LPP: variants seen among roughly 807,000 people sequenced by gnomAD.
LPP encodes LIM domain containing preferred translocation partner in lipoma.
Under a neutral mutation model 60.4 loss-of-function variants are expected in LPP, and 38 were observed. The observed-to-expected ratio is 0.63, with a 90% CI of 0.49 to 0.83. The LOEUF is 0.83. Ranked by LOEUF, LPP falls within the 40% of genes least tolerant of loss-of-function variation. The pLI is 0.00. For missense variants in LPP, 902 were observed against 783.6 expected (o/e 1.15, Z -1.80); for synonymous variants, 328 against 290.8 (o/e 1.13, Z -1.30).
chr3:188,522,261 A>T (rs1819074758), intron 5 of LPP, among the ~76,000 whole-genome samples: 1 of 152,222 alleles, frequency 6.6e-6, no homozygotes, highest in African/African-American at 2.4e-5. Flanking sequence ...GAGTTGAAGA[A>T]AATCTATCAA....
intron 2 of LPP, among the ~76,000 whole-genome samples, chr3:188,318,870 T>A (rs967662822): frequency 2.7e-5 from 4 of 147,752 alleles, no homozygotes; most frequent in African/African-American, 1.0e-4. Context: ...GCCATTCTCC[T>A]GCCTCAGCCT....
At chr3:188,445,763 C>A (rs1795087924) in intron 4 of LPP, among the ~76,000 whole-genome samples, 1 of 152,052 alleles carries the variant, frequency 6.6e-6, no homozygotes, top group South Asian at 2.1e-4. Context: ...TATTTGCTCT[C>A]CTGATAGATT....
chr3:188,724,018 A>G (rs1006015342), intron 8 of LPP, among the ~76,000 whole-genome samples: 2 of 152,166 alleles, frequency 1.3e-5, no homozygotes, highest in Non-Finnish European at 2.9e-5. Context: ...TTTGCTTGCA[A>G]TAGAGGTTCT....
At chr3:188,766,028 G>A (rs556305853) in intron 9 of LPP, among the ~76,000 whole-genome samples, 83 of 151,326 alleles carry the variant, frequency 5.5e-4, no homozygotes, top group African/African-American at 1.8e-3. Context: ...CCACCACCAC[G>A]CCCGGCTAAT....
chr3:188,843,944 T>G (rs1222477803), intron 9 of LPP, among the ~76,000 whole-genome samples: 1 of 152,162 alleles, frequency 6.6e-6, no homozygotes, highest in Non-Finnish European at 1.5e-5. Context: ...TTTGCTTTTC[T>G]AGAATTGAAG....
At chr3:188,627,376 A>G (rs1011444235) in intron 7 of LPP, among the ~76,000 whole-genome samples, 1 of 152,124 alleles carries the variant, frequency 6.6e-6, no homozygotes, top group African/African-American at 2.4e-5. Context: ...GCAAGGCCCA[A>G]CTCTATGCTG....
chr3:188,201,648 A>G (rs1731122961), intron 1 of LPP, among the ~76,000 whole-genome samples: 1 of 152,140 alleles, frequency 6.6e-6, no homozygotes, highest in African/African-American at 2.4e-5. Context: ...TGGAAGTTGC[A>G]GTGAGGTGAG....
chr3:188,384,481 C>G (rs531173970), intron 3 of LPP, among the ~76,000 whole-genome samples: 2 of 152,116 alleles, frequency 1.3e-5, no homozygotes, highest in South Asian at 2.1e-4. Flanking sequence ...CTTCAGTTGT[C>G]TAGGTATTCA....
At chr3:188,354,821 G>GCACACA (rs760998735) in intron 3 of LPP, among the ~76,000 whole-genome samples, 6 of 49,322 alleles carry the variant, frequency 1.2e-4, no homozygotes, top group African/African-American at 4.6e-4. Flanking sequence ...GCGCGTGCGC[G>GCACACA]CACACACACA....
chr3:188,785,859 C>A (rs1480370355), intron 9 of LPP, among the ~76,000 whole-genome samples: 2 of 151,948 alleles, frequency 1.3e-5, no homozygotes, highest in Admixed American at 1.3e-4. Flanking sequence ...TGTATTCTCC[C>A]TGACTCCTAA....
intron 4 of LPP, among the ~76,000 whole-genome samples, chr3:188,410,015 A>G (rs1234693341): frequency 6.6e-6 from 1 of 152,190 alleles, no homozygotes; most frequent in Admixed American, 6.5e-5. Flanking sequence ...TGCATTGCCT[A>G]CAATTCTTAT....
chr3:188,427,891 G>A (rs1789840372), intron 4 of LPP, among the ~76,000 whole-genome samples: 1 of 152,120 alleles, frequency 6.6e-6, no homozygotes, highest in African/African-American at 2.4e-5. Flanking sequence ...TTGGCTCCCT[G>A]GCTTCAGTCC....
At chr3:188,540,744 T>C (rs1824941048) in intron 6 of LPP, among the ~76,000 whole-genome samples, 1 of 152,232 alleles carries the variant, frequency 6.6e-6, no homozygotes, top group African/African-American at 2.4e-5. Flanking sequence ...ATCTTATTGT[T>C]AGCTGCGTGC....
intron 3 of LPP, among the ~76,000 whole-genome samples, chr3:188,403,567 A>G (rs1782733130): frequency 6.6e-6 from 1 of 152,222 alleles, no homozygotes; most frequent in South Asian, 2.1e-4. Context: ...ACTGAAAGCA[A>G]ACCAGTCACT....
chr3:188,510,793 T>C (rs568471445), intron 5 of LPP, among the ~76,000 whole-genome samples: 1 of 152,324 alleles, frequency 6.6e-6, no homozygotes, highest in Non-Finnish European at 1.5e-5. Context: ...ATGTTGTAAA[T>C]ATGTTAAATA....
chr3:188,260,457 G>A (rs571689678), intron 2 of LPP, among the ~76,000 whole-genome samples: 1 of 152,082 alleles, frequency 6.6e-6, no homozygotes, highest in Admixed American at 6.5e-5. Context: ...ATGACTTATG[G>A]CAAGGCCAGT....
intron 2 of LPP, among the ~76,000 whole-genome samples, chr3:188,318,418 CAAAA>C (rs397946048): frequency 4.4e-4 from 57 of 130,222 alleles, no homozygotes; most frequent in Non-Finnish European, 9.2e-4. Context: ...TCCAAAAAAA[CAAAA>C]AAAAAAAAGA....
In LPP at chr3:188,437,275, C is replaced by T. The variant is rs368042437; in HGVS notation, c.193+30962C>T. ...ATACTAGAGCTTCCGTTCCAAAGTA[C>T]GTGCATTTGAATGATATGCTAAGTA... On this transcript the variant is annotated intron_variant, in intron 4 of 11. Coordinates refer to ENST00000617246, the MANE Select transcript of LPP (RefSeq NM_001375462.1). Among the ~76,000 whole-genome samples the T allele has an allele frequency of 6.3e-4, 96 of 152,226 alleles. 3 individuals carry two copies. The South Asian group carries it at 0.018, about 29-fold the overall frequency.
intron 3 of LPP, among the ~76,000 whole-genome samples, chr3:188,373,058 A>G (rs1394548832): frequency 2.0e-5 from 3 of 152,094 alleles, no homozygotes; most frequent in African/African-American, 7.2e-5. Context: ...ATGGCTGCAT[A>G]GTATTCCATG....
Sources: gnomAD v4.1 joint callset for allele counts (sites outside exome capture counted in the v4.1 genomes callset) on GRCh38, gnomAD v4.1.1 for gene constraint, MANE v1.5 for transcripts, NCBI Gene and HGNC (gene_info 2026-07-23, HGNC 2026-07-21) for gene names.